The following SORCS2 variants were observed in gnomAD, a reference collection of about 807,000 sequenced individuals.
SORCS2 encodes the protein sortilin related VPS10 domain containing receptor 2, also known as VPS10 domain-containing receptor SorCS2.
In SORCS2, 100 loss-of-function variants were observed where a neutral mutation model predicts 141.6. The ratio of observed to expected loss-of-function variants is 0.71; its 90% CI spans 0.60 to 0.83. SORCS2 has a LOEUF of 0.83. SORCS2 is among the 40% of genes least tolerant of loss of function. SORCS2 has a pLI of 0.00. For synonymous variants in SORCS2, 789 were observed against 676.9 expected (o/e 1.17, Z -2.57); for missense variants, 1,646 against 1,560.2 (o/e 1.05, Z -0.93).
At chr4:7,618,055 C>G (rs1718885803) in intron 3 of SORCS2, among the ~76,000 whole-genome samples, 1 of 152,050 alleles carries the variant, frequency 6.6e-6, no homozygotes, top group African/African-American at 2.4e-5. Flanking sequence ...CAATCAAAGT[C>G]CAAACTCAGA....
intron 1 of SORCS2, among the ~76,000 whole-genome samples, chr4:7,266,838 A>AG (rs1714767655): frequency 6.6e-6 from 1 of 152,174 alleles, no homozygotes; most frequent in Non-Finnish European, 1.5e-5. Context: ...CTAAAACACC[A>AG]GGGTCAGGCT....
In SORCS2 at chr4:7,284,073, A is replaced by G. The variant is rs189448571; in HGVS notation, c.480+90947A>G. 7.5e-4 allele frequency among the ~76,000 whole-genome samples: 114 copies of G among 152,226 alleles called. 3 individuals carry two copies. The East Asian group carries it at 0.018, about 25-fold the overall frequency. ...GAGTAAACCATTTTGAGCCATCACA[A>G]AGTCAGAGGATCAGCTTGCAGGATT... On this transcript the variant is annotated intron_variant, in intron 1 of 26. Coordinates refer to ENST00000507866, the MANE Select transcript of SORCS2 (RefSeq NM_020777.3).
At chr4:7,732,104 A>G (rs1424188365) in intron 23 of SORCS2, among the ~76,000 whole-genome samples, 1 of 152,192 alleles carries the variant, frequency 6.6e-6, no homozygotes, top group African/African-American at 2.4e-5. Flanking sequence ...TAGCCAGAAA[A>G]CAGGTGACTC....
At chr4:7,219,305 A>G (rs1728558111) in intron 1 of SORCS2, among the ~76,000 whole-genome samples, 1 of 152,098 alleles carries the variant, frequency 6.6e-6, no homozygotes, top group Admixed American at 6.5e-5. Context: ...CCCCAAACCC[A>G]GACTCTGGTT....
intron 1 of SORCS2, among the ~76,000 whole-genome samples, chr4:7,303,221 G>A (rs757547418): frequency 6.6e-5 from 10 of 152,324 alleles, no homozygotes; most frequent in Middle Eastern, 3.4e-3. Flanking sequence ...GTAAACTCCC[G>A]AGGGAAACCC....
intron 2 of SORCS2, among the ~76,000 whole-genome samples, chr4:7,498,055 G>A (rs528917930): frequency 1.3e-5 from 2 of 152,320 alleles, no homozygotes; most frequent in South Asian, 2.1e-4. Flanking sequence ...CCTCCGTTTC[G>A]GGACCCTCTT....
intron 1 of SORCS2, among the ~76,000 whole-genome samples, chr4:7,250,569 C>T (rs930096263): frequency 6.6e-6 from 1 of 152,254 alleles, no homozygotes; most frequent in South Asian, 2.1e-4. Context: ...ACGTTCCCAG[C>T]GTCCCGTGAT....
intron 6 of SORCS2, among the ~76,000 whole-genome samples, chr4:7,662,881 G>C (rs1722265620): frequency 1.3e-5 from 2 of 152,228 alleles, no homozygotes; most frequent in African/African-American, 4.8e-5. Flanking sequence ...CTGGTCTGTT[G>C]TGTTGGCTCC....
intron 1 of SORCS2, among the ~76,000 whole-genome samples, chr4:7,353,448 T>C (rs1721073290): frequency 6.6e-6 from 1 of 152,176 alleles, no homozygotes; most frequent in African/African-American, 2.4e-5. Flanking sequence ...CAGCCTGATA[T>C]GCGGGTTCCT....
chr4:7,613,669 A>G (rs1352699465), intron 3 of SORCS2, among the ~76,000 whole-genome samples: 1 of 152,054 alleles, frequency 6.6e-6, no homozygotes, highest in Non-Finnish European at 1.5e-5. Context: ...AACCGATTCC[A>G]CACTCTCTCA....
At chr4:7,435,686 C>T (rs28613646) in intron 2 of SORCS2, among the ~76,000 whole-genome samples, 6,395 of 152,336 alleles carry the variant, frequency 0.042, 186 homozygotes, top group African/African-American at 0.082. Context: ...AGGTTTGTTT[C>T]GTTTCTGTGT....
intron 2 of SORCS2, among the ~76,000 whole-genome samples, chr4:7,488,254 A>C (rs1731113770): frequency 6.6e-6 from 1 of 152,190 alleles, no homozygotes; most frequent in Admixed American, 6.5e-5. Context: ...GCAGTTGCCA[A>C]GGCATTGTTT....
intron 25 of SORCS2, among the ~76,000 whole-genome samples, chr4:7,736,281 T>G (rs1382200036): frequency 6.6e-6 from 1 of 152,240 alleles, no homozygotes; most frequent in African/African-American, 2.4e-5. Flanking sequence ...GCTTTGAGCA[T>G]ATAAATCCAG....
At chr4:7,643,808 G>T (rs570324936) in intron 4 of SORCS2, among the ~76,000 whole-genome samples, 3 of 152,130 alleles carry the variant, frequency 2.0e-5, no homozygotes, top group Non-Finnish European at 4.4e-5. Flanking sequence ...TGCAGCCTTC[G>T]CGTTGGCTGC....
At chr4:7,374,336 C>T (rs1392496081) in intron 1 of SORCS2, among the ~76,000 whole-genome samples, 1 of 152,086 alleles carries the variant, frequency 6.6e-6, no homozygotes, top group African/African-American at 2.4e-5. Flanking sequence ...GGAAATGCTC[C>T]TCCCCCATGT....
intron 1 of SORCS2, among the ~76,000 whole-genome samples, chr4:7,260,267 C>G (rs1714229906): frequency 6.6e-6 from 1 of 152,218 alleles, no homozygotes; most frequent in Non-Finnish European, 1.5e-5. Context: ...GCTGGATTTC[C>G]TCCTCTCTGT....
intron 1 of SORCS2, among the ~76,000 whole-genome samples, chr4:7,213,960 C>T (rs1169915559): frequency 6.6e-6 from 1 of 152,164 alleles, no homozygotes; most frequent in Admixed American, 6.5e-5. Flanking sequence ...TTCCCTGCAG[C>T]GAGTGAGCCA....
intron 1 of SORCS2, among the ~76,000 whole-genome samples, chr4:7,255,875 C>T (rs1375870498): frequency 2.4e-5 from 1 of 42,462 alleles, no homozygotes; most frequent in Non-Finnish European, 6.8e-5. Flanking sequence ...CGTGGGGCCC[C>T]GGGGCTGGAG....
At chr4:7,613,887 ACCAT>A (rs776512391) in intron 3 of SORCS2, among the ~76,000 whole-genome samples, 80 of 151,936 alleles carry the variant, frequency 5.3e-4, no homozygotes, top group Admixed American at 1.5e-3. Context: ...CCATTCATTC[ACCAT>A]CCATCTATCC....
Sources: allele counts gnomAD v4.1 joint callset (sites outside exome capture counted in the v4.1 genomes callset), GRCh38; gene constraint gnomAD v4.1.1; transcripts MANE v1.5; gene names NCBI Gene and HGNC (gene_info 2026-07-23, HGNC 2026-07-21).